OGN: variants seen among roughly 807,000 people sequenced by gnomAD.
OGN encodes osteoglycin.
A neutral mutation model predicts 30.8 loss-of-function variants in OGN; 19 were observed. That is an observed-to-expected ratio of 0.62 (90% CI 0.43 to 0.90). The LOEUF is 0.90. OGN is among the 40% of genes least tolerant of loss of function. The probability of loss-of-function intolerance (pLI) is 0.00; values close to 1 mark genes in which losing one functional copy is unlikely to be tolerated. For missense variants in OGN, 283 were observed against 349.7 expected (o/e 0.81, Z 1.52); for synonymous variants, 126 against 128.3 (o/e 0.98, Z 0.12).
chr9:92,397,663 G>C (rs2130917042), intron 3 of OGN, among the ~76,000 whole-genome samples: 1 of 152,278 alleles, frequency 6.6e-6, no homozygotes, highest in Middle Eastern at 3.4e-3. Context: ...AATGGTATTA[G>C]AAACCAAGAT....
chr9:92,400,306 C>T (rs905817210), intron 3 of OGN, among the ~76,000 whole-genome samples: 65 of 152,186 alleles, frequency 4.3e-4, no homozygotes, highest in East Asian at 2.5e-3. Context: ...CCTGCCACCA[C>T]GCCTGGCTAA....
intron 4 of OGN, among the ~76,000 whole-genome samples, chr9:92,391,150 A>G (rs1048349793): frequency 6.6e-6 from 1 of 151,562 alleles, no homozygotes; most frequent in Non-Finnish European, 1.5e-5. Context: ...TAATCCCAGC[A>G]CTTTGGGAGG....
At position 92,393,083 on chromosome 9, in the gene OGN, T is replaced by TA. The variant is rs1842754158; in HGVS notation, c.427+2dup. 1.9e-6 allele frequency: 3 copies of TA among 1,612,220 alleles called. No homozygotes were observed. Among genetic ancestry groups the TA allele is most frequent in the East Asian group, 2.2e-5 (1 of 44,788 alleles). ...ACTAATATCATATTTCAGCTTAACT[T>TA]ACGTATGTCTGCAAAATCTTTGGCA... On this transcript the variant is annotated splice_region_variant and intron_variant, in intron 4 of 6. Coordinates refer to ENST00000375561, the MANE Select transcript of OGN (RefSeq NM_014057.5).
At chr9:92,390,114 TGAAGAAAAG>T (rs1267537648) in intron 4 of OGN, 58 bp from the exon 5 acceptor site, 6 of 976,426 alleles carry the variant, frequency 6.1e-6, no homozygotes, top group African/African-American at 3.3e-5. Flanking sequence ...TTGTATGGAC[TGAAGAAAAG>T]CATTTGTTTA....
At chr9:92,390,104 T>C in intron 4 of OGN, 48 bp from the exon 5 acceptor site, 1 of 1,062,306 alleles carries the variant, frequency 9.4e-7, no homozygotes, top group South Asian at 1.4e-5. Flanking sequence ...AAAATTCTTA[T>C]TGTATGGACT....
rs943485645 is a variant in OGN at position 92,403,326 on chromosome 9, G to A, written c.82C>T (p.Arg28Cys). 1.5e-5 allele frequency: 24 copies of A among 1,613,158 alleles called. No homozygotes were observed. The highest frequency in any genetic ancestry group is 2.0e-5 in the Non-Finnish European group (23 of 1,179,366). ...TCTGTTCCATAATCATAGATAATGC[G>A]TGAGTCCTGCTGGGTTGGTGGTGCT... ...KPAPPTQQDS[R>C]IIYDYGTDNF... The change falls in exon 2 of 7, where the codon CGC becomes TGC. Residue 28 changes from arginine to cysteine, a missense_variant. Coordinates refer to ENST00000375561, the MANE Select transcript of OGN (RefSeq NM_014057.5).
chr9:92,389,690 G>C lies in OGN; in HGVS notation c.630+164C>G, dbSNP rs139219434. Reference sequence around the variant, plus strand: ...CTGAGATATGGGTATAAGCTAGGCTGAATGAGCCTAATAGGATGGTTATTT... The same window carrying C: ...CTGAGATATGGGTATAAGCTAGGCTCAATGAGCCTAATAGGATGGTTATTT... On this transcript the variant is annotated intron_variant, in intron 5 of 6. Transcript: ENST00000375561. 289 of 552,008 alleles carry C rather than the reference G, an allele frequency of 5.2e-4. 1 individual carries two copies. The highest frequency in any genetic ancestry group is 4.8e-3 in the African/African-American group (250 of 52,528). 34.2% of individuals were successfully genotyped at this position (552,008 alleles called of 1,614,324 possible). A position where few individuals can be genotyped will look rare whatever the true frequency, so the allele number is the denominator to read the frequency against.
chr9:92,392,331 A>G (rs900013924), intron 4 of OGN, among the ~76,000 whole-genome samples: 1 of 152,204 alleles, frequency 6.6e-6, no homozygotes, highest in Non-Finnish European at 1.5e-5. Context: ...AGTATTTAAA[A>G]AATACTTCCC....
intron 3 of OGN, 85 bp downstream of exon 3, chr9:92,401,007 G>T: frequency 1.5e-6 from 1 of 676,938 alleles, no homozygotes. Flanking sequence ...TGTATCTTGA[G>T]TCAGTTTTTG....
At chr9:92,389,395 C>T (rs866625625) in intron 5 of OGN, among the ~76,000 whole-genome samples, 1 of 152,076 alleles carries the variant, frequency 6.6e-6, no homozygotes, top group African/African-American at 2.4e-5. Flanking sequence ...GGAAAATCTC[C>T]CTATAGAATT....
intron 3 of OGN, among the ~76,000 whole-genome samples, chr9:92,396,508 T>C (rs531256906): frequency 1.2e-3 from 188 of 152,254 alleles, no homozygotes; most frequent in African/African-American, 4.4e-3. Context: ...TATATAGGTC[T>C]TCTTTATTTT....
chr9:92,400,944 C>G, intron 3 of OGN, 148 bp downstream of exon 3: 1 of 516,018 alleles, frequency 1.9e-6, no homozygotes, highest in Non-Finnish European at 3.4e-6. Context: ...AAATGGTGTG[C>G]ACTCCCAGTT....
intron 3 of OGN, among the ~76,000 whole-genome samples, chr9:92,397,265 G>T (rs1842928995): frequency 6.6e-6 from 1 of 152,086 alleles, no homozygotes; most frequent in South Asian, 2.1e-4. Context: ...AACTAACCTT[G>T]CATTTTTCCT....
At chr9:92,387,053 G>GAAAAAAAA (rs903436031) in intron 5 of OGN, among the ~76,000 whole-genome samples, 4 of 50,162 alleles carry the variant, frequency 8.0e-5, no homozygotes, top group African/African-American at 8.0e-5. Flanking sequence ...GTCTCAAAAA[G>GAAAAAAAA]AAAAAAAAAA....
intron 3 of OGN, among the ~76,000 whole-genome samples, chr9:92,400,082 A>G (rs182983901): frequency 4.6e-4 from 70 of 152,326 alleles, no homozygotes; most frequent in African/African-American, 1.6e-3. Flanking sequence ...ATAAATTTAG[A>G]AAGAACTGAC....
chr9:92,398,932 C>T lies in OGN; in HGVS notation c.268+2160G>A, dbSNP rs939610236. Among the ~76,000 whole-genome samples, 3 of 151,884 alleles carry T rather than the reference C, an allele frequency of 2.0e-5. No homozygotes were observed. In the South Asian group the frequency reaches 6.2e-4, roughly 31 times the overall value. On this transcript the variant is annotated intron_variant, in intron 3 of 6. Transcript: ENST00000375561. ...AATAAATTAGCCTGGCGTGGTGGCG[C>T]GTGCCTGTAATCCCAGCTACTCGGA...
At chr9:92,386,168 T>G (rs1395672256) in intron 6 of OGN, 33 bp downstream of exon 6, 1 of 1,446,142 alleles carries the variant, frequency 6.9e-7, no homozygotes, top group Admixed American at 1.7e-5. Flanking sequence ...CATAGGTAAT[T>G]AGAGTCAGAT....
chr9:92,389,767 A>T (rs931086351), intron 5 of OGN, 87 bp downstream of exon 5: 7 of 834,382 alleles, frequency 8.4e-6, no homozygotes, highest in Non-Finnish European at 1.3e-5. Context: ...TTTAAGTGTA[A>T]TCAAAATACA....
intron 5 of OGN, chr9:92,389,560 A>G (rs1416757864): frequency 4.6e-6 from 1 of 216,406 alleles, no homozygotes; most frequent in Non-Finnish European, 9.0e-6. Context: ...AAGTGTCATG[A>G]GAGGGCCAAC....
Sources: allele counts gnomAD v4.1 joint callset (sites outside exome capture counted in the v4.1 genomes callset), GRCh38; gene constraint gnomAD v4.1.1; transcripts MANE v1.5; gene names NCBI Gene and HGNC (gene_info 2026-07-23, HGNC 2026-07-21).